Variants in CHIA observed in about 807,000 individuals in gnomAD.
CHIA encodes acidic mammalian chitinase.
CHIA carries 47 observed loss-of-function variants against 53.5 expected under a neutral mutation model. That is an observed-to-expected ratio of 0.88 (90% CI 0.70 to 1.12). The LOEUF is 1.12. CHIA is among the 50% of genes most tolerant of loss of function. The pLI is 0.00. For missense variants in CHIA, 652 were observed against 592.2 expected, an observed-to-expected ratio of 1.10 and a Z score of -1.05; for synonymous variants, 268 against 222.2, an observed-to-expected ratio of 1.21 and a Z score of -1.83.
At position 111,318,359 on chromosome 1, in the gene CHIA, A is replaced by C. The variant is rs939929789; in HGVS notation, c.730-134A>C. 5 of 902,148 alleles carry C rather than the reference A, an allele frequency of 5.5e-6. No individual in the cohort carries two copies. The African/African-American group carries it at 8.4e-5, about 15-fold the overall frequency. The allele number at this position is 902,148 out of a possible 1,614,324, so 55.9% of individuals were successfully genotyped here. The stretch of plus-strand genomic sequence containing the variant: ...ATTTCATTAACTACAACTTCACCAA[A>C]ATGTTTTGAAAAAAATACTAATCCA... On this transcript the variant is annotated intron_variant, in intron 8 of 11. Coordinates refer to ENST00000369740, the MANE Select transcript of CHIA (RefSeq NM_201653.4).
intron 1 of CHIA, among the ~76,000 whole-genome samples, chr1:111,299,061 A>T (rs1647479671): frequency 6.6e-6 from 1 of 152,188 alleles, no homozygotes; most frequent in Non-Finnish European, 1.5e-5. Context: ...CTCTGAATAG[A>T]TCAATAACAG....
At chr1:111,291,836 G>GT (rs1163796998) in intron 1 of CHIA, among the ~76,000 whole-genome samples, 7 of 150,686 alleles carry the variant, frequency 4.6e-5, no homozygotes, top group Non-Finnish European at 1.0e-4. Flanking sequence ...CTGTCGGGGG[G>GT]GGGTGGGGGT....
At position 111,319,396 on chromosome 1, in the gene CHIA, G is replaced by A. The variant is rs1224632483; in HGVS notation, c.1105G>A (p.Gly369Ser). The stretch of plus-strand genomic sequence containing the variant: ...GGCCATTGATCTGGATGACTTCACT[G>A]GCACTTTCTGCAACCAGGGCAAGTT... ...VWAIDLDDFT[G>S]TFCNQGKFPL... The change falls in exon 11 of 12, where the codon GGC becomes AGC. Residue 369 changes from glycine to serine, a missense_variant. By Grantham distance (56) the Gly-to-Ser change is moderately conservative. Transcript: ENST00000369740. The A allele has an allele frequency of 6.2e-7, 1 of 1,613,968 alleles. No individual in the cohort carries two copies. Among genetic ancestry groups the A allele is most frequent in the African/African-American group, 1.3e-5 (1 of 74,900 alleles).
Position 111,312,407 on chromosome 1 carries a change from T to C in CHIA, c.257+16T>C. On this transcript the variant is annotated intron_variant, in intron 4 of 11. Coordinates refer to ENST00000369740, the MANE Select transcript of CHIA (RefSeq NM_201653.4). ...TGAAAAATAAGTAGGATGAGGGAGA[T>C]ATTTAATTTGGCATCCCCTTTTTCA... is the stretch of plus-strand genomic sequence containing the variant. 1.3e-6 allele frequency: 2 copies of C among 1,587,612 alleles called. No homozygotes were observed. The highest frequency in any genetic ancestry group is 1.7e-6 in the Non-Finnish European group (2 of 1,155,854).
At chr1:111,319,560 A>G in intron 11 of CHIA, 92 bp downstream of exon 11, 2 of 1,246,258 alleles carry the variant, frequency 1.6e-6, no homozygotes, top group Non-Finnish European at 2.3e-6. Flanking sequence ...CCCCTTGCCC[A>G]GGGATCCTCT....
intron 1 of CHIA, among the ~76,000 whole-genome samples, chr1:111,295,086 G>T (rs1405160923): frequency 6.6e-6 from 1 of 152,152 alleles, no homozygotes; most frequent in Non-Finnish European, 1.5e-5. Context: ...TTTTGGAAAA[G>T]TTTGAAAAGA....
At chr1:111,298,757 CAG>C (rs1557733846) in intron 1 of CHIA, among the ~76,000 whole-genome samples, 1 of 151,964 alleles carries the variant, frequency 6.6e-6, no homozygotes, top group South Asian at 2.1e-4. Context: ...CTGAAAGAGA[CAG>C]AGACACAAAA....
At chr1:111,307,162 A>G (rs1014916480) in intron 1 of CHIA, among the ~76,000 whole-genome samples, 19 of 152,244 alleles carry the variant, frequency 1.2e-4, no homozygotes, top group African/African-American at 4.1e-4. Context: ...GAACGCTTAT[A>G]TAGCAGCATG....
chr1:111,311,750 A>G (rs1458975050), intron 3 of CHIA, 32 bp downstream of exon 3: 1 of 1,603,840 alleles, frequency 6.2e-7, no homozygotes, highest in Admixed American at 1.7e-5. Context: ...TTATCATTGA[A>G]TGTATATATA....
chr1:111,301,553 T>G (rs12739896), intron 1 of CHIA, among the ~76,000 whole-genome samples: 42,198 of 151,118 alleles, frequency 0.28, 6,159 homozygotes, highest in East Asian at 0.36. Flanking sequence ...CAAAAAAAAA[T>G]TAGCCAGGCG....
intron 6 of CHIA, chr1:111,316,149 G>A (rs1649140700): frequency 4.1e-6 from 1 of 242,322 alleles, no homozygotes; most frequent in South Asian, 5.2e-5. Context: ...AAGTGAGGAT[G>A]GGAATGGCAC....
intron 6 of CHIA, 68 bp downstream of exon 6, chr1:111,315,503 T>A: frequency 6.5e-7 from 1 of 1,534,494 alleles, no homozygotes; most frequent in Non-Finnish European, 8.8e-7. Flanking sequence ...GAGAATTGGG[T>A]GGCTCTAGGG....
chr1:111,320,171 C>G (rs1267999175), intron 11 of CHIA, 42 bp from the exon 12 acceptor site: 6 of 1,586,542 alleles, frequency 3.8e-6, no homozygotes, highest in Non-Finnish European at 5.2e-6. Context: ...CTTAGAGCCT[C>G]TCCCAAGCCC....
chr1:111,295,937 C>T (rs1039253696), intron 1 of CHIA, among the ~76,000 whole-genome samples: 3 of 152,258 alleles, frequency 2.0e-5, no homozygotes, highest in African/African-American at 7.2e-5. Context: ...GGGTCCCATG[C>T]TCATGGAGCC....
intron 1 of CHIA, among the ~76,000 whole-genome samples, chr1:111,305,292 C>T (rs1343726309): frequency 6.6e-6 from 1 of 152,068 alleles, no homozygotes; most frequent in African/African-American, 2.4e-5. Context: ...TGGTGCCAAC[C>T]CTTTACATTG....
At chr1:111,309,953 A>G (rs2101633955) in intron 1 of CHIA, among the ~76,000 whole-genome samples, 1 of 152,322 alleles carries the variant, frequency 6.6e-6, no homozygotes, top group South Asian at 2.1e-4. Flanking sequence ...TGTGAGTAGA[A>G]TATTGAGAGA....
Position 111,317,992 on chromosome 1 carries a change from G to T in CHIA, c.612G>T (p.Leu204=), listed in dbSNP as rs140904700. 3.1e-5 allele frequency: 50 copies of T among 1,614,014 alleles called. No homozygotes were observed. In the African/African-American group the frequency reaches 4.9e-4, roughly 16 times the overall value. Residue 204 remains leucine, a synonymous_variant, in exon 8 of 12, where the codon CTG becomes CTT. Coordinates refer to ENST00000369740, the MANE Select transcript of CHIA (RefSeq NM_201653.4). ...GYEIPQLSQY[L]DYIHVMTYDL... Reference sequence around the variant, plus strand: ...ATCCTCCACCCCACCTCAGGTACCTGGACTACATCCATGTCATGACCTACG... The same window carrying T: ...ATCCTCCACCCCACCTCAGGTACCTTGACTACATCCATGTCATGACCTACG...
At chr1:111,300,460 T>G (rs11102238) in intron 1 of CHIA, among the ~76,000 whole-genome samples, 21,360 of 152,058 alleles carry the variant, frequency 0.14, 1,922 homozygotes, top group East Asian at 0.36. Flanking sequence ...TTGACAAACC[T>G]GACAAAAACA....
intron 1 of CHIA, among the ~76,000 whole-genome samples, chr1:111,293,414 A>T (rs1661145186): frequency 6.6e-6 from 1 of 152,098 alleles, no homozygotes. Context: ...TCCTTTGTCC[A>T]TTTTGAATCA....
Sources: allele counts gnomAD v4.1 joint callset (sites outside exome capture counted in the v4.1 genomes callset), GRCh38; gene constraint gnomAD v4.1.1; transcripts MANE v1.5; gene names NCBI Gene and HGNC (gene_info 2026-07-23, HGNC 2026-07-21).